The following INSC variants were observed in gnomAD, a reference collection of about 807,000 sequenced individuals.
The protein encoded by INSC is INSC spindle orientation adaptor protein.
In INSC, 67 loss-of-function variants were observed where a neutral mutation model predicts 58.6. The ratio of observed to expected loss-of-function variants is 1.14; its 90% CI spans 0.94 to 1.40. INSC has a LOEUF of 1.40. Among genes scored for constraint, INSC ranks in the 40% most tolerant of loss-of-function variants. The pLI is 0.00. For synonymous variants in INSC, 262 were observed against 276.1 expected (o/e 0.95, Z 0.51); for missense variants, 714 against 692.0 (o/e 1.03, Z -0.36).
intron 3 of INSC, 21 bp from the exon 4 acceptor site, chr11:15,177,090 A>G: frequency 6.2e-7 from 1 of 1,610,730 alleles, no homozygotes; most frequent in African/African-American, 1.3e-5. Context: ...AGTTGAATAA[A>G]ATGGACTTAT....
chr11:15,149,122 A>G lies in INSC; in HGVS notation c.-45-8A>G, dbSNP rs541215704. 4 of 1,597,938 alleles carry G rather than the reference A, an allele frequency of 2.5e-6. No individual in the cohort carries two copies. Among genetic ancestry groups the G allele is most frequent in the Non-Finnish European group, 3.4e-6 (4 of 1,172,390 alleles). ...ATCTCGTTGTGCCATCCTGCCCTCT[A>G]TTTTCAGGGTCACGACCGCTGCAAG... On this transcript the variant is annotated splice_polypyrimidine_tract_variant and splice_region_variant and intron_variant, in intron 1 of 12. Transcript: ENST00000379556.
Position 15,200,866 on chromosome 11 carries a change from A to T in INSC, c.736A>T (p.Ser246Cys), listed in dbSNP as rs375629663. Residue 246 changes from serine (S) to cysteine (C), a missense_variant, in exon 7 of 13, where the codon AGT becomes TGT. Coordinates refer to ENST00000379556, the MANE Select transcript of INSC (RefSeq NM_001042536.3). Reference protein sequence around the residue: ...VALFKVCRQDSFRCLYPQALR... With the variant: ...VALFKVCRQDCFRCLYPQALR... Reference sequence around the variant, plus strand: ...ACTCTTCAAGGTTTGCCGGCAGGACAGTTTCCGGTGCTTGTACCCCCAGGC... The same window carrying T: ...ACTCTTCAAGGTTTGCCGGCAGGACTGTTTCCGGTGCTTGTACCCCCAGGC... 6.2e-5 allele frequency: 100 copies of T among 1,613,878 alleles called. No homozygotes were observed. Among genetic ancestry groups the T allele is most frequent in the Non-Finnish European group, 7.6e-5 (90 of 1,180,008 alleles).
At chr11:15,132,118 A>C (rs1848139529) in intron 1 of INSC, among the ~76,000 whole-genome samples, 1 of 152,094 alleles carries the variant, frequency 6.6e-6, no homozygotes, top group Admixed American at 6.5e-5. Context: ...TGGATATTAT[A>C]GCATTAATAA....
the INSC span, among the ~76,000 whole-genome samples, chr11:15,266,537 T>C: frequency 7.4e-4 from 113 of 152,160 alleles, 1 homozygote; most frequent in African/African-American, 2.7e-3. Context: ...ATATTTTTCC[T>C]ATATACCTTG....
At chr11:15,138,817 T>C (rs1848306317) in intron 1 of INSC, among the ~76,000 whole-genome samples, 1 of 152,174 alleles carries the variant, frequency 6.6e-6, no homozygotes, top group Admixed American at 6.5e-5. Context: ...TTTTTTCCCA[T>C]TTTACGGATG....
At chr11:15,269,209 T>A in the INSC span, among the ~76,000 whole-genome samples, 1 of 152,022 alleles carries the variant, frequency 6.6e-6, no homozygotes, top group Non-Finnish European at 1.5e-5. Flanking sequence ...GCTCAAACAT[T>A]TAGATACTGT....
At chr11:15,231,402 G>T (rs1407170822) in intron 9 of INSC, among the ~76,000 whole-genome samples, 1 of 152,140 alleles carries the variant, frequency 6.6e-6, no homozygotes, top group Non-Finnish European at 1.5e-5. Flanking sequence ...GAGCTAAAAA[G>T]AAAAATCACG....
intron 7 of INSC, among the ~76,000 whole-genome samples, chr11:15,207,780 G>T (rs1850865026): frequency 6.6e-6 from 1 of 152,066 alleles, no homozygotes; most frequent in Non-Finnish European, 1.5e-5. Context: ...ATTCAAACAA[G>T]CAAAAAAACC....
At position 15,176,046 on chromosome 11, in the gene INSC, A is replaced by G; in HGVS notation, c.362A>G (p.Tyr121Cys). 1 of 1,559,518 alleles carries G rather than the reference A, an allele frequency of 6.4e-7. No individual in the cohort carries two copies. Among genetic ancestry groups the G allele is most frequent in the Non-Finnish European group, 8.7e-7 (1 of 1,146,328 alleles). The stretch of plus-strand genomic sequence containing the variant: ...CATGCCCGCTCCATGGTCAGCGAGT[A>G]CAGTGCTGTCAGCAGGAACTCCTTG... Reference protein sequence around the residue: ...TCHARSMVSEYSAVSRNSLKE... With the variant: ...TCHARSMVSECSAVSRNSLKE... Residue 121 changes from tyrosine (Y) to cysteine (C), a missense_variant, in exon 3 of 13, where the codon TAC becomes TGC. Tyr to Cys is a radical substitution (Grantham distance 194, BLOSUM62 -2). Coordinates refer to ENST00000379556, the MANE Select transcript of INSC (RefSeq NM_001042536.3).
intron 2 of INSC, among the ~76,000 whole-genome samples, chr11:15,173,491 AT>A (rs751834788): frequency 3.9e-5 from 6 of 152,174 alleles, no homozygotes; most frequent in Non-Finnish European, 7.3e-5. Flanking sequence ...CAAACCGTAC[AT>A]GAGATGTGAT....
At chr11:15,204,255 G>A (rs146083382) in intron 7 of INSC, among the ~76,000 whole-genome samples, 219 of 152,372 alleles carry the variant, frequency 1.4e-3, no homozygotes, top group African/African-American at 4.6e-3. Flanking sequence ...TCAGAGACGC[G>A]AAGCCACTTG....
intron 5 of INSC, among the ~76,000 whole-genome samples, chr11:15,181,002 T>C (rs555534340): frequency 6.6e-6 from 1 of 152,328 alleles, no homozygotes; most frequent in African/African-American, 2.4e-5. Context: ...TCAAATATTG[T>C]TCCTTAGGAT....
At chr11:15,113,147 G>GTCTTTCTTTCTCTCTC (rs1196580161), upstream of INSC, among the ~76,000 whole-genome samples, 338 of 113,802 alleles carry the variant, frequency 3.0e-3, 11 homozygotes, top group African/African-American at 0.01. Context: ...CTTTCTTTCT[G>GTCTTTCTTTCTCTCTC]TCTCTCTCTC....
chr11:15,255,378 T>C, the INSC span, among the ~76,000 whole-genome samples: 1 of 152,146 alleles, frequency 6.6e-6, no homozygotes, highest in East Asian at 1.9e-4. Flanking sequence ...GAATAAAATA[T>C]AACTTAAATA....
chr11:15,147,909 T>C (rs992034866), intron 1 of INSC, among the ~76,000 whole-genome samples: 2 of 152,242 alleles, frequency 1.3e-5, no homozygotes, highest in Non-Finnish European at 2.9e-5. Context: ...CGTGTAATCA[T>C]GGAGTAAGAC....
intron 6 of INSC, among the ~76,000 whole-genome samples, chr11:15,195,984 C>T (rs191663085): frequency 3.9e-5 from 6 of 152,344 alleles, no homozygotes; most frequent in Non-Finnish European, 7.3e-5. Flanking sequence ...CTATTTGCCA[C>T]GTTTAGTCAT....
chr11:15,256,200 T>A, the INSC span, among the ~76,000 whole-genome samples: 1 of 152,130 alleles, frequency 6.6e-6, no homozygotes, highest in African/African-American at 2.4e-5. Flanking sequence ...CTCACACCAT[T>A]CCCAACTGCG....
chr11:15,226,956 C>T (rs530106226), intron 9 of INSC, among the ~76,000 whole-genome samples: 1 of 152,316 alleles, frequency 6.6e-6, no homozygotes, highest in African/African-American at 2.4e-5. Flanking sequence ...TTCTTATCCT[C>T]AGAATCGCCT....
At chr11:15,205,211 T>G (rs1589967316) in intron 7 of INSC, among the ~76,000 whole-genome samples, 1 of 152,138 alleles carries the variant, frequency 6.6e-6, no homozygotes, top group East Asian at 1.9e-4. Flanking sequence ...CCCTGTTTCT[T>G]AAAAGTAAAA....
Sources: allele counts gnomAD v4.1 joint callset (sites outside exome capture counted in the v4.1 genomes callset), GRCh38; gene constraint gnomAD v4.1.1; transcripts MANE v1.5; gene names NCBI Gene and HGNC (gene_info 2026-07-23, HGNC 2026-07-21).